Variants in LYST observed in about 807,000 individuals in gnomAD.
LYST encodes lysosomal trafficking regulator.
A neutral mutation model predicts 413.6 loss-of-function variants in LYST; 192 were observed. That is an observed-to-expected ratio of 0.46 (90% CI 0.41 to 0.52). The LOEUF (loss-of-function observed/expected upper bound fraction) is 0.52, where lower values mean the gene tolerates loss of function less well. LYST is among the 20% of genes least tolerant of loss of function. The pLI is 0.00. For missense variants in LYST, 3,815 were observed against 4,499.9 expected (o/e 0.85, Z 4.35); for synonymous variants, 1,525 against 1,567.3 (o/e 0.97, Z 0.64).
At chr1:235,801,916 C>T (rs1366008750) in intron 8 of LYST, among the ~76,000 whole-genome samples, 1 of 152,166 alleles carries the variant, frequency 6.6e-6, no homozygotes, top group African/African-American at 2.4e-5. Context: ...CTAGCAGTGG[C>T]TGGGTGCGGT....
At chr1:235,778,204 C>T (rs1024672255) in intron 16 of LYST, among the ~76,000 whole-genome samples, 1 of 150,336 alleles carries the variant, frequency 6.7e-6, no homozygotes, top group Non-Finnish European at 1.5e-5. Flanking sequence ...CCTGTGCCTC[C>T]CAGAGTGCTG....
intron 48 of LYST, among the ~76,000 whole-genome samples, chr1:235,678,916 T>A (rs1659595491): frequency 6.6e-6 from 1 of 152,206 alleles, no homozygotes; most frequent in Admixed American, 6.5e-5. Flanking sequence ...CTTCTGCATC[T>A]TACCTTTTCT....
rs138849156 is a variant in LYST at position 235,762,762 on chromosome 1, T to C, written c.6211A>G (p.Met2071Val). ...GGRSLMSPGF[M>V]VISPSGFTAS... ...GTAAAACCAGATGGGCTTATTACCA[T>C]AAATCCAGGGCTCATAAGGGACCTT... Residue 2071 changes from methionine (M) to valine (V), a missense_variant, in exon 22 of 53, where the codon ATG (methionine) becomes GTG (valine). By Grantham distance (21) the Met-to-Val change is conservative. Transcript: ENST00000389793. The C allele has an allele frequency of 9.9e-6, 16 of 1,613,490 alleles. No homozygotes were observed. The highest frequency in any genetic ancestry group is 4.5e-5 in the East Asian group (2 of 44,830).
upstream of LYST, among the ~76,000 whole-genome samples, chr1:235,869,923 C>T (rs372391251): frequency 5.3e-5 from 8 of 152,028 alleles, no homozygotes; most frequent in South Asian, 6.2e-4. Context: ...ACTGACTGGC[C>T]GGCCCCTCTG....
At chr1:235,828,246 T>G (rs890498670) in intron 3 of LYST, 2 of 728,676 alleles carry the variant, frequency 2.7e-6, no homozygotes, top group Non-Finnish European at 3.4e-6. Context: ...GAAAGTAGAT[T>G]AGTGTTTGCT....
At chr1:235,774,435 T>C (rs1012052944) in intron 18 of LYST, among the ~76,000 whole-genome samples, 7 of 152,192 alleles carry the variant, frequency 4.6e-5, no homozygotes, top group Non-Finnish European at 1.0e-4. Context: ...TACCAAATGC[T>C]TTCATCTAGA....
Position 235,812,959 on chromosome 1 carries a change from G to GA in LYST, c.283+11dup. 1 of 1,565,654 alleles carries GA rather than the reference G, an allele frequency of 6.4e-7. No homozygotes were observed. The highest frequency in any genetic ancestry group is 1.1e-5 in the South Asian group (1 of 89,990). On this transcript the variant is annotated intron_variant, in intron 4 of 52. Transcript: ENST00000389793. ...GATAACACAAGTGATATGATAAAGG[G>GA]AAAAAGCATACCTGTTGCCTTTTCT...
At chr1:235,826,854 G>C (rs189735113) in intron 3 of LYST, among the ~76,000 whole-genome samples, 64 of 152,038 alleles carry the variant, frequency 4.2e-4, no homozygotes, top group Admixed American at 3.5e-3. Context: ...GCTAATTTTT[G>C]TATTTTTTTG....
At chr1:235,757,899 T>TC (rs974478700) in intron 23 of LYST, among the ~76,000 whole-genome samples, 34 of 150,762 alleles carry the variant, frequency 2.3e-4, no homozygotes, top group Non-Finnish European at 4.4e-4. Flanking sequence ...TTTTTTTTTT[T>TC]CACCAAGGAA....
chr1:235,841,762 T>C (rs1402922510), intron 1 of LYST, among the ~76,000 whole-genome samples: 1 of 152,112 alleles, frequency 6.6e-6, no homozygotes, highest in Non-Finnish European at 1.5e-5. Flanking sequence ...TAAGGAGAAT[T>C]GCAGATATAG....
chr1:235,760,434 C>T (rs1318586780), intron 22 of LYST, among the ~76,000 whole-genome samples: 5 of 152,170 alleles, frequency 3.3e-5, no homozygotes, highest in Non-Finnish European at 7.3e-5. Context: ...AGAATAGTTT[C>T]TTTTCTTGTC....
rs74148822 is a variant in LYST, at chr1:235,777,518, T to C, written c.5215-210A>G. ...CAGTGATTTATTTAGCAGTGATCAATTGTATAGATCACATCAAGGTTGAGA... is the reference window on the plus strand; with the variant it reads ...CAGTGATTTATTTAGCAGTGATCAACTGTATAGATCACATCAAGGTTGAGA... On this transcript the variant is annotated intron_variant, in intron 16 of 52. Transcript: ENST00000389793. Among the ~76,000 whole-genome samples the C allele has an allele frequency of 3.3e-3, 496 of 152,332 alleles. 2 individuals carry two copies. The highest frequency in any genetic ancestry group is 0.011 in the African/African-American group (472 of 41,586).
intron 24 of LYST, 137 bp downstream of exon 24, chr1:235,757,143 TA>T (rs1667119896): frequency 1.7e-6 from 1 of 602,230 alleles, no homozygotes; most frequent in Admixed American, 3.4e-5. Context: ...GAGTATTAAG[TA>T]ACAAACTATA....
At chr1:235,689,292 A>G (rs1487161897) in intron 47 of LYST, among the ~76,000 whole-genome samples, 1 of 152,140 alleles carries the variant, frequency 6.6e-6, no homozygotes, top group African/African-American at 2.4e-5. Flanking sequence ...ATTCTTTTAT[A>G]TACATGAAAT....
rs1672774730 is a variant in LYST at position 235,805,846 on chromosome 1, T to A, written c.3290A>T (p.Glu1097Val). Residue 1097 changes from glutamate to valine, a missense_variant, in exon 6 of 53, where the codon GAG becomes GTG. Coordinates refer to ENST00000389793, the MANE Select transcript of LYST (RefSeq NM_000081.4). ...EAKLFTSQES[E>V]TSLQSIRLLE... Reference sequence around the variant, plus strand: ...AAGTCGTATACTTTGAAGTGAGGTCTCACTTTCTTGACTTGTAAATAGCTT... The same window carrying A: ...AAGTCGTATACTTTGAAGTGAGGTCACACTTTCTTGACTTGTAAATAGCTT... The A allele has an allele frequency of 6.2e-7, 1 of 1,613,692 alleles. No individual in the cohort carries two copies. Among genetic ancestry groups the A allele is most frequent in the South Asian group, 1.1e-5 (1 of 91,080 alleles).
rs1658030029 is a variant in LYST, at chr1:235,661,292, GT to G, written c.*1647del. Reference sequence around the variant, plus strand: ...CTCTTTAGATAAATGATGAAATTCGGTTTTTAAAAAAAGATGAGTAGCAACC... The same window carrying G: ...CTCTTTAGATAAATGATGAAATTCGGTTTTAAAAAAAGATGAGTAGCAACC... On this transcript the variant is annotated 3_prime_UTR_variant, in exon 53 of 53. Transcript: ENST00000389793. 1 of 152,518 alleles carries G rather than the reference GT, an allele frequency of 6.6e-6. No homozygotes were observed. Among genetic ancestry groups the G allele is most frequent in the Admixed American group, 6.6e-5 (1 of 15,262 alleles). 9.4% of individuals were successfully genotyped at this position (152,518 alleles called of 1,614,324 possible).
At chr1:235,797,988 A>C (rs961212669) in intron 10 of LYST, among the ~76,000 whole-genome samples, 5 of 152,196 alleles carry the variant, frequency 3.3e-5, no homozygotes, top group South Asian at 2.1e-4. Flanking sequence ...TTCTTCAAAC[A>C]AGATATACGA....
chr1:235,746,462 C>A lies in LYST; in HGVS notation c.7846G>T (p.Asp2616Tyr), dbSNP rs760310039. The A allele has an allele frequency of 1.6e-5, 26 of 1,613,870 alleles. No homozygotes were observed. Among genetic ancestry groups the A allele is most frequent in the Non-Finnish European group, 2.2e-5 (26 of 1,179,850 alleles). ...LLMKMRSVAN[D>Y]ELHVMMQRRM... ...CGTTGCATCATCACATGAAGCTCAT[C>A]ATTTGCCACTGAACGCATTTTCATC... The change falls in exon 29 of 53, where the codon GAT becomes TAT. Residue 2616 changes from aspartate (D) to tyrosine (Y), a missense_variant. Asp to Tyr is a radical substitution (Grantham distance 160). This residue lies in a region of LYST where 771 missense variants were observed against 837.1 expected (regional missense o/e 0.92). Coordinates refer to ENST00000389793, the MANE Select transcript of LYST (RefSeq NM_000081.4).
chr1:235,740,617 TA>T (rs1665289410), intron 31 of LYST, among the ~76,000 whole-genome samples: 1 of 152,208 alleles, frequency 6.6e-6, no homozygotes, highest in African/African-American at 2.4e-5. Flanking sequence ...TAGAGCTGTA[TA>T]ATAGTCTATA....
Sources: gnomAD v4.1 joint callset for allele counts (sites outside exome capture counted in the v4.1 genomes callset) on GRCh38, gnomAD v4.1.1 for gene constraint, gnomAD v4.1.1 regional missense constraint, MANE v1.5 for transcripts, NCBI Gene and HGNC (gene_info 2026-07-23, HGNC 2026-07-21) for gene names.